Variants in AHCYL2 observed in about 807,000 individuals in gnomAD.
The protein encoded by AHCYL2 is adenosylhomocysteinase like 2, also known as S-adenosylhomocysteine hydrolase-like protein 2.
In AHCYL2, 28 loss-of-function variants were observed where a neutral mutation model predicts 81.4. That is an observed-to-expected ratio of 0.34 (90% CI 0.25 to 0.47). The LOEUF is 0.47. Among genes scored for constraint, AHCYL2 ranks in the 20% least tolerant of loss-of-function variants. The pLI, the probability that AHCYL2 is intolerant of heterozygous loss-of-function variation, is 1.00. For missense variants in AHCYL2, 551 were observed against 785.1 expected, an observed-to-expected ratio of 0.70 and a Z score of 3.56; for synonymous variants, 272 against 290.2, an observed-to-expected ratio of 0.94 and a Z score of 0.64.
chr7:129,225,717 T>TAATA (rs1392411742), intron 1 of AHCYL2, among the ~76,000 whole-genome samples: 1 of 152,120 alleles, frequency 6.6e-6, no homozygotes, highest in South Asian at 2.1e-4. Flanking sequence ...GAGAGACACC[T>TAATA]AATAGTACGT....
intron 1 of AHCYL2, among the ~76,000 whole-genome samples, chr7:129,379,429 G>A (rs1794844334): frequency 6.6e-6 from 1 of 151,774 alleles, no homozygotes; most frequent in South Asian, 2.1e-4. Flanking sequence ...AGGCCAGCCT[G>A]GGCAATATGG....
intron 11 of AHCYL2, 48 bp downstream of exon 11, chr7:129,409,594 T>G (rs200307259): frequency 1.4e-6 from 2 of 1,457,838 alleles, no homozygotes; most frequent in Admixed American, 1.7e-5. Flanking sequence ...AATGTTTTTA[T>G]GGAGCAGGTG....
chr7:129,279,715 T>C (rs1217851201), intron 1 of AHCYL2, among the ~76,000 whole-genome samples: 1 of 152,196 alleles, frequency 6.6e-6, no homozygotes, highest in Non-Finnish European at 1.5e-5. Flanking sequence ...AAGGGGTGGA[T>C]TATTCATTCA....
At chr7:129,400,612 G>A (rs1795986822) in intron 6 of AHCYL2, among the ~76,000 whole-genome samples, 1 of 152,120 alleles carries the variant, frequency 6.6e-6, no homozygotes, top group Non-Finnish European at 1.5e-5. Flanking sequence ...AATGTTGGAA[G>A]CATTTATATT....
intron 11 of AHCYL2, chr7:129,410,469 T>C: frequency 1.7e-6 from 2 of 1,183,266 alleles, no homozygotes; most frequent in Non-Finnish European, 2.5e-6. Flanking sequence ...CGTCATTCAT[T>C]AAACAAACAC....
chr7:129,290,240 A>G (rs909708792), intron 1 of AHCYL2, among the ~76,000 whole-genome samples: 1 of 152,122 alleles, frequency 6.6e-6, no homozygotes, highest in African/African-American at 2.4e-5. Flanking sequence ...ACGGTGGCTC[A>G]TGCCTGTAAT....
intron 4 of AHCYL2, among the ~76,000 whole-genome samples, chr7:129,395,232 C>A (rs1031327006): frequency 3.3e-5 from 5 of 152,196 alleles, no homozygotes; most frequent in African/African-American, 1.2e-4. Flanking sequence ...CACATGTGTG[C>A]CACAGAAGTG....
chr7:129,357,137 C>T (rs765315593), intron 1 of AHCYL2, among the ~76,000 whole-genome samples: 10 of 152,104 alleles, frequency 6.6e-5, no homozygotes, highest in Non-Finnish European at 7.3e-5. Context: ...GAAGCTATCA[C>T]GGATTGGAGG....
At chr7:129,320,116 A>G (rs1584779317) in intron 1 of AHCYL2, among the ~76,000 whole-genome samples, 1 of 152,270 alleles carries the variant, frequency 6.6e-6, no homozygotes, top group East Asian at 1.9e-4. Flanking sequence ...GCAATTCCAT[A>G]ATGTCTGATG....
intron 1 of AHCYL2, among the ~76,000 whole-genome samples, chr7:129,312,035 C>T (rs1359821887): frequency 2.0e-5 from 3 of 152,166 alleles, no homozygotes; most frequent in Non-Finnish European, 4.4e-5. Flanking sequence ...TTGCCCCAGG[C>T]TGGAGTACAG....
intron 1 of AHCYL2, among the ~76,000 whole-genome samples, chr7:129,336,677 G>A (rs1798614796): frequency 6.6e-6 from 1 of 152,140 alleles, no homozygotes; most frequent in South Asian, 2.1e-4. Context: ...GGTGAGCAGT[G>A]AGATCCAGAA....
intron 2 of AHCYL2, among the ~76,000 whole-genome samples, chr7:129,384,091 A>G (rs1169253719): frequency 6.6e-6 from 1 of 152,142 alleles, no homozygotes; most frequent in African/African-American, 2.4e-5. Flanking sequence ...ACATCATGTT[A>G]TACACATAAA....
At chr7:129,357,407 CT>C (rs1229404567) in intron 1 of AHCYL2, among the ~76,000 whole-genome samples, 2 of 152,078 alleles carry the variant, frequency 1.3e-5, no homozygotes, top group Admixed American at 1.3e-4. Context: ...CAAGTTGTTT[CT>C]AAGTCTAAAA....
rs115072229 is a variant in AHCYL2 at position 129,270,175 on chromosome 7, A to G, written c.363+44736A>G. 4.3e-3 allele frequency among the ~76,000 whole-genome samples: 657 copies of G among 152,258 alleles called. 10 individuals carry two copies. Among genetic ancestry groups the G allele is most frequent in the African/African-American group, 0.015 (626 of 41,560 alleles). Reference sequence around the variant, plus strand: ...GTTCCTTTAGATCCTTCCTCATTGTATTATCTGGGTCACACTGGTTGAGGG... The same window carrying G: ...GTTCCTTTAGATCCTTCCTCATTGTGTTATCTGGGTCACACTGGTTGAGGG... On this transcript the variant is annotated intron_variant, in intron 1 of 16. Transcript: ENST00000325006.
At chr7:129,400,701 C>T (rs921174593) in intron 6 of AHCYL2, among the ~76,000 whole-genome samples, 2 of 152,162 alleles carry the variant, frequency 1.3e-5, no homozygotes, top group Non-Finnish European at 2.9e-5. Context: ...CCATCCCCTG[C>T]TACTGCCTAC....
chr7:129,417,005 G>A (rs1157057662), intron 12 of AHCYL2, among the ~76,000 whole-genome samples: 1 of 151,928 alleles, frequency 6.6e-6, no homozygotes, highest in East Asian at 1.9e-4. Flanking sequence ...GCTTGCACCT[G>A]TAGTACCAGC....
chr7:129,393,635 T>A (rs1481921098), intron 4 of AHCYL2, among the ~76,000 whole-genome samples: 2 of 152,222 alleles, frequency 1.3e-5, no homozygotes, highest in Non-Finnish European at 2.9e-5. Context: ...GCCTCTTCAG[T>A]GTGGCTTCTG....
In AHCYL2 at chr7:129,406,729, G is replaced by A. The variant is rs944325848; in HGVS notation, c.1295+263G>A. Among the ~76,000 whole-genome samples, 1 of 152,162 alleles carries A rather than the reference G, an allele frequency of 6.6e-6. No homozygotes were observed. Among genetic ancestry groups the A allele is most frequent in the Non-Finnish European group, 1.5e-5 (1 of 68,024 alleles). On this transcript the variant is annotated intron_variant, in intron 10 of 16. Coordinates refer to ENST00000325006, the MANE Select transcript of AHCYL2 (RefSeq NM_015328.4). The surrounding 1 kb of genome is among the most constrained non-coding windows in gnomAD (Gnocchi z 4.3). ...ACAGGTAGCCCCTTACCTTCTCCAT[G>A]TATGATACTTGCCTTTCAAATAATG...
Position 129,368,017 on chromosome 7 carries a change from A to C in AHCYL2, c.364-11621A>C. On this transcript the variant is annotated intron_variant, in intron 1 of 16. Coordinates refer to ENST00000325006, the MANE Select transcript of AHCYL2 (RefSeq NM_015328.4). This position sits in a 1 kb window ranked among gnomAD's most constrained non-coding sequence, Gnocchi z 4.4. Reference sequence around the variant, plus strand: ...ATCCAAATCAAGCAACTCTTGAGAAATGGGAGTGCCTTCCTGACCTCAGTC... The same window carrying C: ...ATCCAAATCAAGCAACTCTTGAGAACTGGGAGTGCCTTCCTGACCTCAGTC... 1.3e-6 allele frequency: 1 copy of C among 775,210 alleles called. No individual in the cohort carries two copies. The highest frequency in any genetic ancestry group is 1.6e-6 in the Non-Finnish European group (1 of 637,656). 48.0% of individuals were successfully genotyped at this position (775,210 alleles called of 1,614,324 possible). A position where few individuals can be genotyped will look rare whatever the true frequency, so the allele number is the denominator to read the frequency against.
Sources: gnomAD v4.1 joint callset for allele counts (sites outside exome capture counted in the v4.1 genomes callset) on GRCh38, gnomAD v4.1.1 for gene constraint, Gnocchi (gnomAD v3.1) non-coding constraint, MANE v1.5 for transcripts, NCBI Gene and HGNC (gene_info 2026-07-23, HGNC 2026-07-21) for gene names.